CFAP95: variants seen among roughly 807,000 people sequenced by gnomAD.
The protein encoded by CFAP95 is cilia and flagella associated protein 95.
chr9:69,882,064 C>A, the CFAP95 span, among the ~76,000 whole-genome samples: 492 of 151,380 alleles, frequency 3.3e-3, 6 homozygotes, highest in African/African-American at 0.011. Context: ...CTCACTGCAA[C>A]CGCTGCCTCC....
chr9:69,827,954 G>A, the CFAP95 span, among the ~76,000 whole-genome samples: 1 of 152,102 alleles, frequency 6.6e-6, no homozygotes, highest in East Asian at 1.9e-4. Context: ...TGCCCAGGAT[G>A]GTTTACTCTC....
the CFAP95 span, among the ~76,000 whole-genome samples, chr9:69,868,836 A>G: frequency 6.6e-6 from 1 of 151,844 alleles, no homozygotes; most frequent in African/African-American, 2.4e-5. Context: ...AAAATGAGCC[A>G]AGGACTTAAA....
At chr9:69,897,194 A>G in the CFAP95 span, among the ~76,000 whole-genome samples, 1 of 152,252 alleles carries the variant, frequency 6.6e-6, no homozygotes, top group Non-Finnish European at 1.5e-5. Flanking sequence ...TTTTCATTCC[A>G]TCCAATGTGA....
chr9:69,834,858 T>A, the CFAP95 span, among the ~76,000 whole-genome samples: 1 of 152,240 alleles, frequency 6.6e-6, no homozygotes, highest in Non-Finnish European at 1.5e-5. Flanking sequence ...AAGTCTGAAA[T>A]GTCACAATTT....
the CFAP95 span, among the ~76,000 whole-genome samples, chr9:69,881,863 T>C: frequency 1.3e-5 from 2 of 152,312 alleles, no homozygotes; most frequent in South Asian, 2.1e-4. Context: ...ATAGTTTTCA[T>C]TGTAGAGATC....
chr9:69,865,237 A>G, the CFAP95 span, among the ~76,000 whole-genome samples: 3 of 152,162 alleles, frequency 2.0e-5, no homozygotes, highest in Non-Finnish European at 2.9e-5. Context: ...AGCCATGCCG[A>G]ACTGTGAGTC....
At chr9:69,905,874 T>A in the CFAP95 span, 12 of 1,037,022 alleles carry the variant, frequency 1.2e-5, no homozygotes, top group South Asian at 2.9e-5. Flanking sequence ...AAGAATAATA[T>A]ATGAAAAATA....
At chr9:69,872,852 A>T in the CFAP95 span, among the ~76,000 whole-genome samples, 128,671 of 152,020 alleles carry the variant, frequency 0.85, 54,555 homozygotes, top group Middle Eastern at 0.9. Context: ...CCCCAAATGC[A>T]GAAGAAATAA....
the CFAP95 span, among the ~76,000 whole-genome samples, chr9:69,901,302 T>A: frequency 6.6e-5 from 10 of 152,114 alleles, no homozygotes; most frequent in Non-Finnish European, 1.3e-4. Context: ...TACGCCCAGC[T>A]AAATTTTTGT....
chr9:69,848,867 A>G, the CFAP95 span, among the ~76,000 whole-genome samples: 1 of 152,146 alleles, frequency 6.6e-6, no homozygotes, highest in Non-Finnish European at 1.5e-5. Context: ...GAAGTTTTGT[A>G]TTATCTGAGA....
chr9:69,900,904 T>G, the CFAP95 span, among the ~76,000 whole-genome samples: 1 of 152,222 alleles, frequency 6.6e-6, no homozygotes, highest in South Asian at 2.1e-4. Context: ...TAAGGGTACA[T>G]GTGCACAACG....
chr9:69,851,926 G>A, the CFAP95 span, among the ~76,000 whole-genome samples: 4 of 151,308 alleles, frequency 2.6e-5, no homozygotes, highest in Non-Finnish European at 4.4e-5. Context: ...AAGCTTGCTT[G>A]AAGAGGTAGT....
chr9:69,835,294 AG>A, the CFAP95 span, among the ~76,000 whole-genome samples: 1 of 152,226 alleles, frequency 6.6e-6, no homozygotes, highest in African/African-American at 2.4e-5. Flanking sequence ...AAATCTGCAA[AG>A]AAAAGTGTGT....
At chr9:69,837,011 G>T in the CFAP95 span, among the ~76,000 whole-genome samples, 4,210 of 151,250 alleles carry the variant, frequency 0.028, 181 homozygotes, top group African/African-American at 0.097. Context: ...ATAGTTTACT[G>T]AGAATGATGA....
the CFAP95 span, among the ~76,000 whole-genome samples, chr9:69,851,509 G>A: frequency 6.6e-6 from 1 of 152,044 alleles, no homozygotes; most frequent in Non-Finnish European, 1.5e-5. Flanking sequence ...AGGGTAGGCC[G>A]AGTTGGATAA....
chr9:69,824,021 C>T, the CFAP95 span, among the ~76,000 whole-genome samples: 4 of 152,212 alleles, frequency 2.6e-5, no homozygotes, highest in East Asian at 7.7e-4. Context: ...AGTTTGGGCT[C>T]AGAGGCCTGA....
chr9:69,876,182 C>T, the CFAP95 span, among the ~76,000 whole-genome samples: 1 of 152,108 alleles, frequency 6.6e-6, no homozygotes, highest in African/African-American at 2.4e-5. Context: ...ATAGATATTA[C>T]ATGGCATTTC....
At chr9:69,841,197 T>TATATATA in the CFAP95 span, among the ~76,000 whole-genome samples, 32 of 131,454 alleles carry the variant, frequency 2.4e-4, no homozygotes, top group East Asian at 4.6e-4. Flanking sequence ...TATATATATA[T>TATATATA]TTCTGATTTA....
At chr9:69,855,652 G>A in the CFAP95 span, among the ~76,000 whole-genome samples, 1 of 152,154 alleles carries the variant, frequency 6.6e-6, no homozygotes, top group African/African-American at 2.4e-5. Flanking sequence ...GAGCCATGGA[G>A]TAGACCAGGA....
Sources: gnomAD v4.1 joint callset for allele counts (sites outside exome capture counted in the v4.1 genomes callset) on GRCh38, gnomAD v4.1.1 for gene constraint, MANE v1.5 for transcripts, NCBI Gene and HGNC (gene_info 2026-07-23, HGNC 2026-07-21) for gene names.